Variants in TNNI3K observed in about 807,000 individuals in gnomAD.
TNNI3K encodes TNNI3 interacting kinase.
In TNNI3K, 140 loss-of-function variants were observed where a neutral mutation model predicts 114.5. The observed-to-expected ratio is 1.22, with a 90% CI of 1.07 to 1.41. The LOEUF (loss-of-function observed/expected upper bound fraction) is 1.41, where lower values mean the gene tolerates loss of function less well. Ranked by LOEUF, TNNI3K falls within the 40% of genes most tolerant of loss-of-function variation. The pLI, the probability that TNNI3K is intolerant of heterozygous loss-of-function variation, is 0.00. For missense variants in TNNI3K, 1,125 were observed against 1,007.6 expected (o/e 1.12, Z -1.58); for synonymous variants, 347 against 347.5 (o/e 1.00, Z 0.02).
intron 5 of TNNI3K, among the ~76,000 whole-genome samples, chr1:74,314,048 TA>T (rs200433940): frequency 1.1e-3 from 36 of 31,996 alleles, no homozygotes; most frequent in South Asian, 2.4e-3. Flanking sequence ...AAGTTCATTA[TA>T]TATATATATA....
rs1489364418 is a variant in TNNI3K at position 74,250,857 on chromosome 1, A to G, written c.333+88A>G. ...TTTTTTTTTTTTTTTTCAAATTAGTAATCATGGAAAATTTTCAGTGACCAG... is the reference window on the plus strand; with the variant it reads ...TTTTTTTTTTTTTTTTCAAATTAGTGATCATGGAAAATTTTCAGTGACCAG... On this transcript the variant is annotated intron_variant, in intron 4 of 24. Coordinates refer to ENST00000326637, the MANE Select transcript of TNNI3K (RefSeq NM_015978.3). 60 of 1,231,386 alleles carry G rather than the reference A, an allele frequency of 4.9e-5. No individual in the cohort carries two copies. The Admixed American group carries it at 5.2e-4, about 11-fold the overall frequency. The allele number at this position is 1,231,386 out of a possible 1,614,324, so 76.3% of individuals were successfully genotyped here.
intron 7 of TNNI3K, among the ~76,000 whole-genome samples, chr1:74,337,209 C>G (rs1660518837): frequency 6.6e-6 from 1 of 151,934 alleles, no homozygotes; most frequent in Admixed American, 6.6e-5. Context: ...TTATTTTTTT[C>G]TTGTAAATTT....
chr1:74,274,793 A>G (rs1228230829), intron 5 of TNNI3K, among the ~76,000 whole-genome samples: 1 of 152,072 alleles, frequency 6.6e-6, no homozygotes, highest in Non-Finnish European at 1.5e-5. Context: ...ACTGAACATC[A>G]TAGCTTAGCC....
Position 74,380,964 on chromosome 1 carries a change from T to C in TNNI3K, c.1772+10572T>C, listed in dbSNP as rs1663172976. ...GCTAATAAATGAGAAACAATCTTAA[T>C]AAGTGGAAATTTGTTTCTAATTGAA... is the stretch of plus-strand genomic sequence containing the variant. On this transcript the variant is annotated intron_variant, in intron 17 of 24. Coordinates refer to ENST00000326637, the MANE Select transcript of TNNI3K (RefSeq NM_015978.3). 2.6e-5 allele frequency among the ~76,000 whole-genome samples: 4 copies of C among 152,154 alleles called. No individual in the cohort carries two copies. In the South Asian group the frequency reaches 8.3e-4, roughly 32 times the overall value.
chr1:74,270,034 G>C lies in TNNI3K; in HGVS notation c.334-1564G>C, dbSNP rs1656245833. Among the ~76,000 whole-genome samples, 5 of 151,864 alleles carry C rather than the reference G, an allele frequency of 3.3e-5. No homozygotes were observed. In the South Asian group the frequency reaches 1.0e-3, roughly 31 times the overall value. Reference sequence around the variant, plus strand: ...GACTACAAGGACACTGGATTTGATAGTTTACCTTTAGAAATTGAAGAAGTG... The same window carrying C: ...GACTACAAGGACACTGGATTTGATACTTTACCTTTAGAAATTGAAGAAGTG... On this transcript the variant is annotated intron_variant, in intron 4 of 24. Transcript: ENST00000326637.
At chr1:74,399,140 CAA>C (rs1187236570) in intron 17 of TNNI3K, among the ~76,000 whole-genome samples, 3 of 94,340 alleles carry the variant, frequency 3.2e-5, no homozygotes, top group Non-Finnish European at 6.1e-5. Context: ...GCCTGGGCAA[CAA>C]GAGCAAAACC....
chr1:74,408,243 G>A (rs1225675974), intron 17 of TNNI3K, among the ~76,000 whole-genome samples: 1 of 152,148 alleles, frequency 6.6e-6, no homozygotes, highest in Admixed American at 6.5e-5. Flanking sequence ...TTCAAGTAGG[G>A]ATAGGCTTCC....
At chr1:74,438,314 T>C (rs1001697417) in intron 19 of TNNI3K, among the ~76,000 whole-genome samples, 3 of 151,982 alleles carry the variant, frequency 2.0e-5, no homozygotes, top group South Asian at 4.1e-4. Flanking sequence ...GAATTGCATA[T>C]GAGCACCATA....
intron 5 of TNNI3K, among the ~76,000 whole-genome samples, chr1:74,303,516 A>G (rs1658452815): frequency 1.3e-5 from 2 of 152,140 alleles, no homozygotes. Context: ...TCAGGGAAAA[A>G]AAATTCAATT....
chr1:74,351,975 G>T (rs992069272), intron 9 of TNNI3K, among the ~76,000 whole-genome samples: 1 of 152,146 alleles, frequency 6.6e-6, no homozygotes, highest in African/African-American at 2.4e-5. Flanking sequence ...ACTTGTCAAA[G>T]TCATTTTCCG....
At chr1:74,452,222 T>C (rs1667056643) in intron 20 of TNNI3K, among the ~76,000 whole-genome samples, 1 of 152,196 alleles carries the variant, frequency 6.6e-6, no homozygotes, top group South Asian at 2.1e-4. Context: ...TAAATGCAAT[T>C]AATGATGACT....
Position 74,353,377 on chromosome 1 carries a change from A to G in TNNI3K, c.1027+17A>G. 1 of 1,611,950 alleles carries G rather than the reference A, an allele frequency of 6.2e-7. No individual in the cohort carries two copies. Among genetic ancestry groups the G allele is most frequent in the South Asian group, 1.1e-5 (1 of 90,764 alleles). ...GGCACACTGGTAAGACTGTGGTGAA[A>G]ACACCACTAGTTCTATATGCTTATC... On this transcript the variant is annotated intron_variant, in intron 10 of 24. Transcript: ENST00000326637.
intron 21 of TNNI3K, among the ~76,000 whole-genome samples, chr1:74,476,956 G>T (rs557200003): frequency 6.6e-6 from 1 of 152,252 alleles, no homozygotes; most frequent in Admixed American, 6.5e-5. Context: ...CCATTGTATA[G>T]TTTACCATAT....
At chr1:74,401,929 G>A in intron 17 of TNNI3K, 1 of 449,426 alleles carries the variant, frequency 2.2e-6, no homozygotes, top group Non-Finnish European at 4.5e-6. Flanking sequence ...GCAATTTCAG[G>A]TGTATGCTTA....
chr1:74,382,055 G>T (rs1454468589), intron 17 of TNNI3K, among the ~76,000 whole-genome samples: 1 of 152,190 alleles, frequency 6.6e-6, no homozygotes, highest in Admixed American at 6.5e-5. Flanking sequence ...CTCAGCAGTT[G>T]TCCTTCCGAC....
At chr1:74,461,894 A>C (rs1667469110) in intron 20 of TNNI3K, among the ~76,000 whole-genome samples, 1 of 152,258 alleles carries the variant, frequency 6.6e-6, no homozygotes, top group East Asian at 1.9e-4. Flanking sequence ...AAAACCTAAA[A>C]TTCGGAAATG....
At chr1:74,518,831 AATTACCTTACTTT>A (rs1205811472) in intron 23 of TNNI3K, among the ~76,000 whole-genome samples, 15 of 149,294 alleles carry the variant, frequency 1.0e-4, no homozygotes, top group Admixed American at 4.6e-4. Context: ...ATTTAAAACA[AATTACCTTACTTT>A]ATTTTTTATT....
At chr1:74,332,370 G>A (rs1456694589) in intron 6 of TNNI3K, among the ~76,000 whole-genome samples, 1 of 150,622 alleles carries the variant, frequency 6.6e-6, no homozygotes, top group African/African-American at 2.4e-5. Flanking sequence ...GCTCGATCTC[G>A]GCTCACTGCA....
At chr1:74,485,878 A>G (rs1039713230) in intron 21 of TNNI3K, among the ~76,000 whole-genome samples, 3 of 152,180 alleles carry the variant, frequency 2.0e-5, no homozygotes, top group Admixed American at 1.3e-4. Flanking sequence ...AGAAATCAGT[A>G]CTGCCAACAA....
Sources: allele counts gnomAD v4.1 joint callset (sites outside exome capture counted in the v4.1 genomes callset), GRCh38; gene constraint gnomAD v4.1.1; transcripts MANE v1.5; gene names NCBI Gene and HGNC (gene_info 2026-07-23, HGNC 2026-07-21).